The following CCDC7 variants were observed in gnomAD, a reference collection of about 807,000 sequenced individuals.
CCDC7 encodes coiled-coil domain containing 7.
CCDC7 carries 183 observed loss-of-function variants against 196.9 expected under a neutral mutation model. The observed-to-expected ratio is 0.93, with a 90% confidence interval of 0.82 to 1.05. CCDC7 has a LOEUF of 1.05. Among genes scored for constraint, CCDC7 ranks in the 50% least tolerant of loss-of-function variants. CCDC7 has a pLI of 0.00. For synonymous variants in CCDC7, 525 were observed against 484.6 expected, an observed-to-expected ratio of 1.08 and a Z score of -1.10; for missense variants, 1,540 against 1,482.2, an observed-to-expected ratio of 1.04 and a Z score of -0.64.
rs1455828433 is a variant in CCDC7, at chr10:32,661,468, A to C, written c.2015-2586A>C. Reference sequence around the variant, plus strand: ...GGGAGTTTCTTACCATAGCCACCACAGTTGGAAATGTGCTGGGTCTCACCT... The same window carrying C: ...GGGAGTTTCTTACCATAGCCACCACCGTTGGAAATGTGCTGGGTCTCACCT... On this transcript the variant is annotated intron_variant, in intron 20 of 41. Transcript: ENST00000639629. Among the ~76,000 whole-genome samples, 3 of 152,256 alleles carry C rather than the reference A, an allele frequency of 2.0e-5. No homozygotes were observed. In the East Asian group the frequency reaches 5.8e-4, roughly 29 times the overall value.
chr10:32,444,608 T>C (rs1284489878), upstream of CCDC7, among the ~76,000 whole-genome samples: 9 of 152,252 alleles, frequency 5.9e-5, no homozygotes, highest in East Asian at 1.7e-3. Context: ...AGGTCTTCTT[T>C]AATCTCTCCT....
chr10:32,476,696 G>C (rs1279015362), intron 8 of CCDC7, among the ~76,000 whole-genome samples: 2 of 152,316 alleles, frequency 1.3e-5, no homozygotes, highest in East Asian at 3.9e-4. Context: ...GAGAATTCTT[G>C]TTGCTCCATA....
chr10:32,688,927 T>C (rs1429883406), intron 22 of CCDC7, 126 bp from the exon 24 acceptor site: 4 of 652,074 alleles, frequency 6.1e-6, no homozygotes. Context: ...TATAGCATTA[T>C]GGTAATTTAT....
exon 33 of CCDC7, chr10:32,834,816 G>A: frequency 7.3e-7 from 1 of 1,376,580 alleles, no homozygotes. Flanking sequence ...TTTTTATAGA[G>A]ACTGTCTTAA....
At chr10:32,670,386 T>G (rs2073813920) in intron 21 of CCDC7, among the ~76,000 whole-genome samples, 2 of 152,048 alleles carry the variant, frequency 1.3e-5, no homozygotes, top group South Asian at 4.1e-4. Context: ...ACTTTCTTTT[T>G]TTTTTAAATT....
At chr10:32,591,133 G>C (rs2059742152) in intron 18 of CCDC7, among the ~76,000 whole-genome samples, 1 of 151,866 alleles carries the variant, frequency 6.6e-6, no homozygotes, top group Admixed American at 6.6e-5. Context: ...CCATTGTGAT[G>C]CCAATAATGC....
chr10:32,811,476 A>G (rs550074741), intron 30 of CCDC7, among the ~76,000 whole-genome samples: 17 of 152,162 alleles, frequency 1.1e-4, no homozygotes, highest in African/African-American at 3.8e-4. Flanking sequence ...GTTAATGGGT[A>G]CTACAAACGT....
intron 13 of CCDC7, among the ~76,000 whole-genome samples, chr10:32,560,105 G>C (rs2055178749): frequency 6.6e-6 from 1 of 152,180 alleles, no homozygotes; most frequent in Non-Finnish European, 1.5e-5. Context: ...AGTGAAGCGA[G>C]AAGGGAAGTT....
At position 32,835,066 on chromosome 10, in the gene CCDC7, T is replaced by C. The variant is rs535644222; in HGVS notation, c.3352+168T>C. On this transcript the variant is annotated intron_variant, in intron 33 of 41. Transcript: ENST00000639629. ...CTAGTATTTGCTATCAATGGAACAT[T>C]AGTTAGATATGATTAGTTTTAGAAC... 1.4e-3 allele frequency among the ~76,000 whole-genome samples: 218 copies of C among 152,258 alleles called. 1 individual carries two copies. The highest frequency in any genetic ancestry group is 5.0e-3 in the African/African-American group (207 of 41,580).
At chr10:32,755,999 G>A (rs2076379497) in intron 28 of CCDC7, among the ~76,000 whole-genome samples, 1 of 152,156 alleles carries the variant, frequency 6.6e-6, no homozygotes, top group South Asian at 2.1e-4. Context: ...GTGGAAGAAA[G>A]GGTATCAGTG....
intron 28 of CCDC7, among the ~76,000 whole-genome samples, chr10:32,754,318 A>T (rs1381104657): frequency 1.3e-5 from 2 of 152,198 alleles, no homozygotes; most frequent in African/African-American, 4.8e-5. Context: ...TAATAAAATA[A>T]CTGATAAATA....
chr10:32,837,914 G>A (rs10827141), intron 33 of CCDC7, among the ~76,000 whole-genome samples: 46,933 of 138,038 alleles, frequency 0.34, 10,199 homozygotes, highest in Non-Finnish European at 0.49. Context: ...ATCACACACC[G>A]GGGCTTGTTG....
intron 28 of CCDC7, among the ~76,000 whole-genome samples, chr10:32,755,282 A>G (rs2076247136): frequency 4.6e-5 from 7 of 152,278 alleles, no homozygotes; most frequent in Admixed American, 4.6e-4. Context: ...TTCTCCCAGC[A>G]TGGAGTTTGA....
chr10:32,730,151 T>C (rs1167176037), intron 28 of CCDC7, among the ~76,000 whole-genome samples: 1 of 152,086 alleles, frequency 6.6e-6, no homozygotes, highest in African/African-American at 2.4e-5. Context: ...GCCCCTCCTC[T>C]TGCCCCCCAC....
intron 3 of CCDC7, among the ~76,000 whole-genome samples, chr10:32,461,441 G>C (rs1469286450): frequency 6.6e-6 from 1 of 151,946 alleles, no homozygotes; most frequent in East Asian, 1.9e-4. Context: ...GTGGAGTTCA[G>C]TTTCTATTGG....
intron 17 of CCDC7, among the ~76,000 whole-genome samples, chr10:32,584,004 C>G (rs1306941701): frequency 1.3e-5 from 2 of 152,058 alleles, no homozygotes; most frequent in East Asian, 3.9e-4. Context: ...CCTGGGCACC[C>G]TCCTTGCTAT....
chr10:32,710,592 G>GC (rs1565242292), intron 24 of CCDC7, among the ~76,000 whole-genome samples: 1 of 152,204 alleles, frequency 6.6e-6, no homozygotes, highest in Admixed American at 6.5e-5. Context: ...CTCTGAGAGT[G>GC]CCCCATGGTG....
chr10:32,584,969 AT>A (rs1451678806), intron 18 of CCDC7, among the ~76,000 whole-genome samples: 2 of 151,962 alleles, frequency 1.3e-5, no homozygotes, highest in Non-Finnish European at 2.9e-5. Context: ...TTGCTAGGTT[AT>A]TTAGGTGTTT....
At chr10:32,550,442 T>C (rs1025050793) in intron 13 of CCDC7, among the ~76,000 whole-genome samples, 1 of 152,158 alleles carries the variant, frequency 6.6e-6, no homozygotes, top group Non-Finnish European at 1.5e-5. Flanking sequence ...TTCAATACTA[T>C]GTTGAGGAGG....
Sources: allele counts gnomAD v4.1 joint callset (sites outside exome capture counted in the v4.1 genomes callset), GRCh38; gene constraint gnomAD v4.1.1; transcripts MANE v1.5; gene names NCBI Gene and HGNC (gene_info 2026-07-23, HGNC 2026-07-21).